TNPO3: variants seen among roughly 807,000 people sequenced by gnomAD.
TNPO3 encodes transportin 3, also known as transportin-3.
Under a neutral mutation model 122.8 loss-of-function variants are expected in TNPO3, and 65 were observed. The observed-to-expected ratio is 0.53, with a 90% CI of 0.43 to 0.65. TNPO3 has a LOEUF of 0.65. Ranked by LOEUF, TNPO3 falls within the 30% of genes least tolerant of loss-of-function variation. The pLI, the probability that TNPO3 is intolerant of heterozygous loss-of-function variation, is 0.00. For synonymous variants in TNPO3, 372 were observed against 411.2 expected (o/e 0.90, Z 1.15); for missense variants, 850 against 1,136.7 (o/e 0.75, Z 3.63).
rs753735894 is a variant in TNPO3, at chr7:128,997,583, TAAG to T, written c.1012-51_1012-49del. ...TTATTTGAATGGGAAAGGAATAGAA[TAAG>T]AAGACATTTTATTATCACCACGACC... On this transcript the variant is annotated intron_variant, in intron 7 of 22. Transcript: ENST00000265388. 7.3e-6 allele frequency: 11 copies of T among 1,510,558 alleles called. No homozygotes were observed. In the East Asian group the frequency reaches 1.1e-4, roughly 16 times the overall value. The allele number at this position is 1,510,558 out of a possible 1,614,324, so 93.6% of individuals were successfully genotyped here.
chr7:129,048,014 G>A (rs1808257325), intron 1 of TNPO3, among the ~76,000 whole-genome samples: 1 of 152,012 alleles, frequency 6.6e-6, no homozygotes, highest in African/African-American at 2.4e-5. Flanking sequence ...TGAGCCCAGG[G>A]GCTTGAGACC....
At chr7:128,974,687 G>A (rs778782861) in intron 18 of TNPO3, among the ~76,000 whole-genome samples, 181 bp downstream of exon 18, 3 of 152,018 alleles carry the variant, frequency 2.0e-5, no homozygotes, top group Non-Finnish European at 4.4e-5. Context: ...CTTGCTTCCC[G>A]CAATACTCTG....
At chr7:128,955,485 C>T (rs761962895) in intron 22 of TNPO3, 100 bp from the exon 23 acceptor site, 9 of 353,708 alleles carry the variant, frequency 2.5e-5, no homozygotes, top group Middle Eastern at 3.8e-4. Context: ...TCAGGTACCT[C>T]ATTCTGAAGT....
rs1397408082 is a variant in TNPO3, at chr7:128,970,315, G to C, written c.2431C>G (p.His811Asp). 6.3e-7 allele frequency: 1 copy of C among 1,590,644 alleles called. No homozygotes were observed. Among genetic ancestry groups the C allele is most frequent in the African/African-American group, 1.3e-5 (1 of 74,114 alleles). The change falls in exon 20 of 23, where the codon CAT becomes GAT. Residue 811 changes from histidine (H) to aspartate (D), a missense_variant and splice_region_variant. His to Asp is a moderately conservative substitution (Grantham distance 81). Coordinates refer to ENST00000265388, the MANE Select transcript of TNPO3 (RefSeq NM_012470.4). ...TTCCGTAATTCAAAGTCTTCTTCAT[G>C]CTGTATGTAGGAAAGCAGGAACATC... ...DLIHTGVAND[H>D]EEDFELRKEL...
intron 20 of TNPO3, among the ~76,000 whole-genome samples, chr7:128,969,189 C>T (rs763111904): frequency 9.9e-5 from 15 of 152,076 alleles, no homozygotes; most frequent in African/African-American, 2.7e-4. Context: ...TACTTGGGAA[C>T]CAAATGTATT....
chr7:128,975,027 C>T, intron 17 of TNPO3, 65 bp from the exon 18 acceptor site: 1 of 1,251,352 alleles, frequency 8.0e-7, no homozygotes, highest in Non-Finnish European at 1.2e-6. Flanking sequence ...TCAGACTTGC[C>T]AAATATTTAT....
intron 1 of TNPO3, among the ~76,000 whole-genome samples, chr7:129,025,071 G>C (rs536715785): frequency 3.3e-5 from 5 of 149,654 alleles, no homozygotes; most frequent in African/African-American, 1.2e-4. Flanking sequence ...AAAACAGGCC[G>C]GGCGCAGTGG....
At position 129,054,837 on chromosome 7, in the gene TNPO3, C is replaced by T; in HGVS notation, c.-67G>A. ...TCCGGAGGATTCCTCGGTTGCTCCG[C>T]CTTCGCGCTTCCTCACTGTCTGGGC... is the stretch of plus-strand genomic sequence containing the variant. On this transcript the variant is annotated 5_prime_UTR_variant, in exon 1 of 23. Coordinates refer to ENST00000265388, the MANE Select transcript of TNPO3 (RefSeq NM_012470.4). 1.2e-6 allele frequency: 2 copies of T among 1,606,136 alleles called. No homozygotes were observed. Among genetic ancestry groups the T allele is most frequent in the Non-Finnish European group, 1.7e-6 (2 of 1,175,926 alleles).
intron 10 of TNPO3, among the ~76,000 whole-genome samples, chr7:128,991,254 T>C (rs1420184587): frequency 6.6e-6 from 1 of 152,196 alleles, no homozygotes; most frequent in Non-Finnish European, 1.5e-5. Context: ...AGAAACAATA[T>C]GCCACTGACG....
chr7:128,991,402 G>A lies in TNPO3; in HGVS notation c.1358+597C>T, dbSNP rs563600930. Among the ~76,000 whole-genome samples the A allele has an allele frequency of 9.9e-5, 15 of 152,230 alleles. No individual in the cohort carries two copies. In the South Asian group the frequency reaches 2.5e-3, roughly 25 times the overall value. On this transcript the variant is annotated intron_variant, in intron 10 of 22. Transcript: ENST00000265388. ...ATTCAGCGTGGCAGATATTAACATC[G>A]ATTTATATACTCATGGCACAAAGTA...
chr7:129,000,587 G>T lies in TNPO3; in HGVS notation c.873-20C>A. ...AGAACTCTGTAGAAGACAGGGGAAT[G>T]AGAACAATGAGTCAGAAATCTGGAT... On this transcript the variant is annotated intron_variant, in intron 6 of 22. Coordinates refer to ENST00000265388, the MANE Select transcript of TNPO3 (RefSeq NM_012470.4). The T allele has an allele frequency of 6.2e-7, 1 of 1,604,930 alleles. No homozygotes were observed. The highest frequency in any genetic ancestry group is 8.5e-7 in the Non-Finnish European group (1 of 1,175,038).
At chr7:129,043,288 A>C (rs1024782979) in intron 1 of TNPO3, among the ~76,000 whole-genome samples, 7 of 151,146 alleles carry the variant, frequency 4.6e-5, no homozygotes, top group African/African-American at 1.7e-4. Flanking sequence ...CTTTGGTCTC[A>C]GCTTCAGGGG....
chr7:128,993,081 T>C (rs887970083), intron 9 of TNPO3, among the ~76,000 whole-genome samples: 1 of 151,282 alleles, frequency 6.6e-6, no homozygotes. Flanking sequence ...ATACTTTTAT[T>C]AATACTTTTT....
intron 17 of TNPO3, 21 bp downstream of exon 17, chr7:128,975,798 C>T: frequency 6.6e-7 from 1 of 1,513,970 alleles, no homozygotes; most frequent in Non-Finnish European, 9.2e-7. Flanking sequence ...GATGCGTCTA[C>T]ACTCCTCATG....
At chr7:129,027,722 A>T (rs548239172) in intron 1 of TNPO3, among the ~76,000 whole-genome samples, 27 of 152,128 alleles carry the variant, frequency 1.8e-4, no homozygotes, top group Non-Finnish European at 3.7e-4. Flanking sequence ...CTTTGGCTCC[A>T]CTTTTCCCCT....
chr7:129,008,323 T>C (rs1024666754), intron 4 of TNPO3, among the ~76,000 whole-genome samples: 2 of 151,950 alleles, frequency 1.3e-5, no homozygotes, highest in Non-Finnish European at 2.9e-5. Flanking sequence ...TCTAGACTAA[T>C]CTGAGCAACA....
At chr7:129,035,248 T>G (rs1219931332) in intron 1 of TNPO3, among the ~76,000 whole-genome samples, 1 of 151,988 alleles carries the variant, frequency 6.6e-6, no homozygotes, top group Non-Finnish European at 1.5e-5. Flanking sequence ...CAGTCCGGCC[T>G]GGGCGAAAGA....
intron 4 of TNPO3, among the ~76,000 whole-genome samples, chr7:129,010,084 T>C (rs1803018372): frequency 6.6e-6 from 1 of 152,246 alleles, no homozygotes; most frequent in African/African-American, 2.4e-5. Context: ...TTATCCTACC[T>C]TTCTAGTAGG....
chr7:129,008,420 A>G (rs146502860), intron 4 of TNPO3, among the ~76,000 whole-genome samples: 103 of 151,738 alleles, frequency 6.8e-4, no homozygotes, highest in Admixed American at 1.6e-3. Context: ...GAGATAAGAA[A>G]ATGTCACAAA....
Sources: allele counts gnomAD v4.1 joint callset (sites outside exome capture counted in the v4.1 genomes callset), GRCh38; gene constraint gnomAD v4.1.1; transcripts MANE v1.5; gene names NCBI Gene and HGNC (gene_info 2026-07-23, HGNC 2026-07-21).